The following ABCG1 variants were observed in gnomAD, a reference collection of about 807,000 sequenced individuals.
The protein encoded by ABCG1 is ATP-binding cassette sub-family G member 1.
ABCG1 carries 29 observed loss-of-function variants against 69.2 expected under a neutral mutation model. The ratio of observed to expected loss-of-function variants is 0.42; its 90% CI spans 0.31 to 0.57. The LOEUF (loss-of-function observed/expected upper bound fraction) is 0.57. Among genes scored for constraint, ABCG1 ranks in the 20% least tolerant of loss-of-function variants. ABCG1 has a pLI of 0.15. For synonymous variants in ABCG1, 370 were observed against 374.8 expected (o/e 0.99, Z 0.15); for missense variants, 718 against 898.1 (o/e 0.80, Z 2.56).
In ABCG1 at chr21:42,282,397, A is replaced by G; in HGVS notation, c.712A>G (p.Met238Val). The change falls in exon 6 of 15, where the codon ATG becomes GTG. Residue 238 changes from methionine (M) to valine (V), a missense_variant. Transcript: ENST00000398449. ...GGAGCTGGTGAACAACCCTCCAGTC[A>G]TGTTCTTCGATGAGCCCACCAGGTA... ...ALELVNNPPV[M>V]FFDEPTSGLD... The G allele has an allele frequency of 1.9e-6, 3 of 1,613,088 alleles. No individual in the cohort carries two copies. The highest frequency in any genetic ancestry group is 2.5e-6 in the Non-Finnish European group (3 of 1,179,292).
chr21:42,293,232 C>T (rs2069118841), intron 13 of ABCG1, among the ~76,000 whole-genome samples: 1 of 139,260 alleles, frequency 7.2e-6, no homozygotes, highest in Non-Finnish European at 1.5e-5. Context: ...ACACACTACA[C>T]ACCACACACA....
At chr21:42,218,236 G>A (rs764125366), upstream of ABCG1, among the ~76,000 whole-genome samples, 14 of 152,202 alleles carry the variant, frequency 9.2e-5, no homozygotes, top group Non-Finnish European at 1.5e-4. Flanking sequence ...CCTGTTTTTC[G>A]TCCCAACATG....
At chr21:42,243,489 TGC>T (rs201442711) in intron 2 of ABCG1, among the ~76,000 whole-genome samples, 11,495 of 139,748 alleles carry the variant, frequency 0.082, 525 homozygotes, top group East Asian at 0.17. Flanking sequence ...TGTGTGTGTG[TGC>T]GCTGGTTTAT....
rs183413442 is a variant in ABCG1, at chr21:42,254,726, G to A, written c.287-16344G>A. 2.3e-3 allele frequency among the ~76,000 whole-genome samples: 356 copies of A among 152,368 alleles called. 4 individuals are homozygous for A. Among genetic ancestry groups the A allele is most frequent in the Middle Eastern group, 6.8e-3 (2 of 294 alleles). ...ATGTCACTGGATGTCATAGAATATG[G>A]ATTTCTGTCCTTTCTGCCTTGAGCT... On this transcript the variant is annotated intron_variant, in intron 2 of 14. Transcript: ENST00000398449.
intron 2 of ABCG1, among the ~76,000 whole-genome samples, chr21:42,239,954 C>A (rs1054137499): frequency 6.6e-6 from 1 of 152,190 alleles, no homozygotes; most frequent in Admixed American, 6.5e-5. Context: ...TGGTGATTGC[C>A]AGGCTTCCAG....
intron 1 of ABCG1, among the ~76,000 whole-genome samples, chr21:42,200,735 T>G (rs1183709914): frequency 6.6e-6 from 1 of 151,648 alleles, no homozygotes; most frequent in Non-Finnish European, 1.5e-5. Flanking sequence ...ACAACAGGCA[T>G]GCACCATGAC....
At chr21:42,254,156 A>G (rs2123659962) in intron 2 of ABCG1, among the ~76,000 whole-genome samples, 1 of 152,330 alleles carries the variant, frequency 6.6e-6, no homozygotes, top group Non-Finnish European at 1.5e-5. Context: ...CCAGAACCGG[A>G]TGACACAAGA....
In ABCG1 at chr21:42,276,876, TTGTC is replaced by T; in HGVS notation, c.538-18_538-15del. On this transcript the variant is annotated splice_polypyrimidine_tract_variant and intron_variant, in intron 4 of 14. Coordinates refer to ENST00000398449, the MANE Select transcript of ABCG1 (RefSeq NM_016818.3). The surrounding 1 kb of genome is among the most constrained non-coding windows in gnomAD (Gnocchi z 5.3). Reference sequence around the variant, plus strand: ...GGCCGTCTGTTCTGCTTCCACACTGTTGTCCTTGTCCCCTGCAGGTGTCGGCACA... The same window carrying T: ...GGCCGTCTGTTCTGCTTCCACACTGTCTTGTCCCCTGCAGGTGTCGGCACA... 1 of 1,614,010 alleles carries T rather than the reference TTGTC, an allele frequency of 6.2e-7. No homozygotes were observed. The highest frequency in any genetic ancestry group is 1.3e-5 in the African/African-American group (1 of 75,040).
intron 2 of ABCG1, among the ~76,000 whole-genome samples, chr21:42,261,682 G>A (rs934150587): frequency 6.6e-6 from 1 of 152,238 alleles, no homozygotes; most frequent in Admixed American, 6.5e-5. Flanking sequence ...AAGCTGGCGG[G>A]TGAGTGAACA....
At chr21:42,295,562 A>G (rs552560419) in intron 14 of ABCG1, among the ~76,000 whole-genome samples, 1 of 152,210 alleles carries the variant, frequency 6.6e-6, no homozygotes, top group East Asian at 1.9e-4. Context: ...CAGAAGTTCC[A>G]TGTGACACTA....
At chr21:42,286,027 A>C in intron 8 of ABCG1, 33 bp downstream of exon 8, 4 of 1,483,946 alleles carry the variant, frequency 2.7e-6, no homozygotes, top group Non-Finnish European at 3.8e-6. Flanking sequence ...CGGGGGACAG[A>C]AAGGGGATTT....
At position 42,290,036 on chromosome 21, in the gene ABCG1, G is replaced by A. The variant is rs200060045; in HGVS notation, c.1225-14G>A. ...TTTGCGAACGCACTGGGTAAGATGC[G>A]GGTCTGTCCCCAGGTCCTGACACAC... On this transcript the variant is annotated splice_polypyrimidine_tract_variant and intron_variant, in intron 10 of 14. Transcript: ENST00000398449. The A allele has an allele frequency of 1.7e-5, 28 of 1,614,198 alleles. No individual in the cohort carries two copies. The highest frequency in any genetic ancestry group is 1.7e-4 in the African/African-American group (13 of 75,056).
rs535702283 is a variant in ABCG1 at position 42,260,046 on chromosome 21, G to A, written c.287-11024G>A. On this transcript the variant is annotated intron_variant, in intron 2 of 14. Coordinates refer to ENST00000398449, the MANE Select transcript of ABCG1 (RefSeq NM_016818.3). Reference sequence around the variant, plus strand: ...AGTCCAGGGAGGGCCCCATCACCTGGGGGTGGTCGCTATCAGTGGCAAAGT... The same window carrying A: ...AGTCCAGGGAGGGCCCCATCACCTGAGGGTGGTCGCTATCAGTGGCAAAGT... The A allele has an allele frequency of 2.3e-5, 36 of 1,550,502 alleles. No individual in the cohort carries two copies. The African/African-American group carries it at 3.3e-4, about 14-fold the overall frequency.
intron 2 of ABCG1, among the ~76,000 whole-genome samples, chr21:42,265,578 C>T (rs2068489036): frequency 6.6e-6 from 1 of 152,190 alleles, no homozygotes; most frequent in African/African-American, 2.4e-5. Context: ...AGGGGAGGTC[C>T]TCCCCTAGCA....
intron 1 of ABCG1, among the ~76,000 whole-genome samples, chr21:42,222,914 C>T (rs1398348115): frequency 6.6e-6 from 1 of 152,172 alleles, no homozygotes; most frequent in Non-Finnish European, 1.5e-5. Flanking sequence ...TGGCCTGTCC[C>T]CTTTCCTTCA....
chr21:42,265,910 A>T (rs981523683), intron 2 of ABCG1, among the ~76,000 whole-genome samples: 1 of 152,084 alleles, frequency 6.6e-6, no homozygotes, highest in Non-Finnish European at 1.5e-5. Context: ...GGCTTGAGGG[A>T]TTAATCTATA....
chr21:42,210,261 G>A (rs2067575859), intron 2 of ABCG1, among the ~76,000 whole-genome samples: 1 of 152,160 alleles, frequency 6.6e-6, no homozygotes, highest in Non-Finnish European at 1.5e-5. Flanking sequence ...AATGTTCTGG[G>A]AGGCTCCAGG....
At chr21:42,285,728 G>T in intron 7 of ABCG1, 152 bp from the exon 8 acceptor site, 4 of 655,664 alleles carry the variant, frequency 6.1e-6, no homozygotes, top group Non-Finnish European at 1.1e-5. Flanking sequence ...AGGGCCCTTG[G>T]GGGTGATGTA....
intron 2 of ABCG1, among the ~76,000 whole-genome samples, chr21:42,209,827 G>T (rs2067572311): frequency 1.3e-5 from 2 of 152,346 alleles, no homozygotes; most frequent in Admixed American, 1.3e-4. Flanking sequence ...AGGTGAACAG[G>T]ATGGATCATC....
Sources: gnomAD v4.1 joint callset for allele counts (sites outside exome capture counted in the v4.1 genomes callset) on GRCh38, gnomAD v4.1.1 for gene constraint, Gnocchi (gnomAD v3.1) non-coding constraint, MANE v1.5 for transcripts, NCBI Gene and HGNC (gene_info 2026-07-23, HGNC 2026-07-21) for gene names.